ZFC3H1: variants seen among roughly 807,000 people sequenced by gnomAD.
ZFC3H1 encodes the protein zinc finger C3H1 domain-containing protein.
Under a neutral mutation model 243.7 loss-of-function variants are expected in ZFC3H1, and 71 were observed. The ratio of observed to expected loss-of-function variants is 0.29; its 90% CI spans 0.24 to 0.36. The LOEUF (loss-of-function observed/expected upper bound fraction) is 0.36. Ranked by LOEUF, ZFC3H1 falls within the 10% of genes least tolerant of loss-of-function variation. The pLI is 1.00. For missense variants in ZFC3H1, 1,966 were observed against 2,317.1 expected (o/e 0.85, Z 3.11); for synonymous variants, 838 against 813.0 (o/e 1.03, Z -0.52).
intron 26 of ZFC3H1, 92 bp from the exon 27 acceptor site, chr12:71,619,501 C>A (rs1879973172): frequency 2.4e-6 from 3 of 1,229,040 alleles, no homozygotes; most frequent in African/African-American, 1.5e-5. Context: ...AAAAAGTACT[C>A]ATTAGATTAA....
intron 2 of ZFC3H1, among the ~76,000 whole-genome samples, chr12:71,648,909 G>A (rs1402689533): frequency 2.0e-5 from 3 of 151,916 alleles, no homozygotes; most frequent in Non-Finnish European, 4.4e-5. Context: ...GGGCAACATG[G>A]CAAAACTCTG....
In ZFC3H1 at chr12:71,644,732, C is replaced by T. The variant is rs1330690692; in HGVS notation, c.1279+145G>A. On this transcript the variant is annotated intron_variant, in intron 4 of 34. Coordinates refer to ENST00000378743, the MANE Select transcript of ZFC3H1 (RefSeq NM_144982.5). ...ACTTGGGAGGCTGAGGCAGGAGAAT[C>T]GCCTGAACCTGGGAGGTGGAGGTTG... The T allele has an allele frequency of 1.3e-4, 122 of 911,366 alleles. 2 individuals are homozygous for T. The East Asian group carries it at 3.0e-3, about 23-fold the overall frequency. 56.5% of individuals were successfully genotyped at this position (911,366 alleles called of 1,614,324 possible). A position where few individuals can be genotyped will look rare whatever the true frequency, so the allele number is the denominator to read the frequency against.
chr12:71,627,956 T>A lies in ZFC3H1; in HGVS notation c.3947-22A>T, dbSNP rs200365153. The A allele has an allele frequency of 4.0e-3, 6,405 of 1,601,774 alleles. 16 individuals carry two copies. Among genetic ancestry groups the A allele is most frequent in the Non-Finnish European group, 4.8e-3 (5,700 of 1,175,872 alleles). On this transcript the variant is annotated intron_variant, in intron 20 of 34. Transcript: ENST00000378743. ...AAAGCTATTTAAAAAAAAAGTATTA[T>A]TAGCTTCACATTTTCTTTAGTCCAC... is the stretch of plus-strand genomic sequence containing the variant.
At position 71,621,289 on chromosome 12, in the gene ZFC3H1, T is replaced by C. The variant is rs114140226; in HGVS notation, c.4745-974A>G. 6.7e-3 allele frequency among the ~76,000 whole-genome samples: 1,010 copies of C among 149,722 alleles called. 13 individuals carry two copies. The highest frequency in any genetic ancestry group is 0.022 in the African/African-American group (924 of 41,258). ...CACTTATGTATTGATAATTGTCCAA[T>C]TAAGGTCCACTTCCTTTTCTTTTTT... On this transcript the variant is annotated intron_variant, in intron 24 of 34. Transcript: ENST00000378743.
intron 2 of ZFC3H1, 87 bp from the exon 3 acceptor site, chr12:71,647,900 T>C (rs1880768334): frequency 1.4e-5 from 7 of 502,032 alleles, no homozygotes; most frequent in Non-Finnish European, 2.3e-5. Flanking sequence ...CTGGTAATTA[T>C]TTTAAAAGAG....
intron 1 of ZFC3H1, among the ~76,000 whole-genome samples, chr12:71,662,501 C>CG (rs1881208338): frequency 7.0e-6 from 1 of 142,678 alleles, no homozygotes; most frequent in South Asian, 2.5e-4. Context: ...TACCCCTCCC[C>CG]CCCCCACTTT....
At position 71,632,895 on chromosome 12, in the gene ZFC3H1, A is replaced by T; in HGVS notation, c.2808T>A (p.Asp936Glu). Residue 936 changes from aspartate to glutamate, a missense_variant, in exon 14 of 35, where the codon GAT becomes GAA. By Grantham distance (45) the Asp-to-Glu change is conservative (BLOSUM62 2). This residue lies in a region of ZFC3H1 where 1,383 missense variants were observed against 1,723.7 expected (regional missense o/e 0.80). Coordinates refer to ENST00000378743, the MANE Select transcript of ZFC3H1 (RefSeq NM_144982.5). Reference protein sequence around the residue: ...KEIGKRKLEQDRFGPNKMMRL... With the variant: ...KEIGKRKLEQERFGPNKMMRL... The stretch of plus-strand genomic sequence containing the variant: ...TCTATAAAACCCTCACCCCAAAGCG[A>T]TCTTGTTCCAGTTTACGTTTTCCTA... 6.2e-7 allele frequency: 1 copy of T among 1,611,998 alleles called. No homozygotes were observed. Among genetic ancestry groups the T allele is most frequent in the South Asian group, 1.1e-5 (1 of 90,336 alleles).
chr12:71,621,886 G>A (rs949308424), intron 24 of ZFC3H1, among the ~76,000 whole-genome samples: 1 of 145,498 alleles, frequency 6.9e-6, no homozygotes, highest in African/African-American at 2.6e-5. Context: ...TACTTTTCTT[G>A]TACTTCAGTT....
At chr12:71,659,190 A>G (rs1387908204) in intron 1 of ZFC3H1, among the ~76,000 whole-genome samples, 1 of 150,280 alleles carries the variant, frequency 6.7e-6, no homozygotes, top group East Asian at 1.9e-4. Flanking sequence ...AGGAGAGTTT[A>G]CCCTGGTGAT....
chr12:71,634,063 A>C, intron 12 of ZFC3H1, 92 bp downstream of exon 12: 1 of 1,287,148 alleles, frequency 7.8e-7, no homozygotes, highest in Middle Eastern at 1.9e-4. Context: ...GAAAATGTAT[A>C]ATCTTATAGT....
rs201887564 is a variant in ZFC3H1, at chr12:71,632,425, T to C, written c.2907A>G (p.Leu969=). 118 of 1,610,728 alleles carry C rather than the reference T, an allele frequency of 7.3e-5. No homozygotes were observed. Among genetic ancestry groups the C allele is most frequent in the Non-Finnish European group, 8.5e-7 (1 of 1,179,820 alleles). ...GGGCATATTCATATTCTAGCTTTTG[T>C]AACCGTCTTTTCTCCATAGCAATTA... is the stretch of plus-strand genomic sequence containing the variant. ...AELIAMEKRR[L]QKLEYEYALK... The change falls in exon 15 of 35, where the codon TTA becomes TTG. Residue 969 remains leucine, a synonymous_variant. Transcript: ENST00000378743.
chr12:71,610,908 A>C (rs1343933903), intron 33 of ZFC3H1, 150 bp downstream of exon 33: 1 of 1,420,476 alleles, frequency 7.0e-7, no homozygotes, highest in African/African-American at 1.4e-5. Flanking sequence ...TGGTACTCTT[A>C]AAATGTTAAC....
At chr12:71,637,626 T>C (rs1485309187) in intron 7 of ZFC3H1, among the ~76,000 whole-genome samples, 1 of 152,196 alleles carries the variant, frequency 6.6e-6, no homozygotes, top group Non-Finnish European at 1.5e-5. Context: ...GCATCAAAGA[T>C]CTTCCACTAT....
At chr12:71,628,538 A>G (rs188255777) in intron 20 of ZFC3H1, among the ~76,000 whole-genome samples, 7 of 152,344 alleles carry the variant, frequency 4.6e-5, no homozygotes, top group African/African-American at 1.7e-4. Context: ...TCTGCATGTC[A>G]GAAAACATAT....
chr12:71,617,374 C>T (rs1879917921), intron 27 of ZFC3H1, among the ~76,000 whole-genome samples: 2 of 152,124 alleles, frequency 1.3e-5, no homozygotes. Flanking sequence ...AAACAGGATA[C>T]CTTTTTCTCT....
At chr12:71,612,220 C>T (rs1052845411) in intron 31 of ZFC3H1, among the ~76,000 whole-genome samples, 2 of 150,992 alleles carry the variant, frequency 1.3e-5, no homozygotes, top group African/African-American at 4.8e-5. Flanking sequence ...AATGCAATTT[C>T]CTGGTATTTT....
intron 31 of ZFC3H1, 46 bp downstream of exon 31, chr12:71,613,289 C>T (rs1879817033): frequency 1.5e-6 from 2 of 1,377,016 alleles, no homozygotes; most frequent in East Asian, 4.7e-5. Flanking sequence ...TATAAAGAGC[C>T]TATTCCATTA....
intron 21 of ZFC3H1, 104 bp downstream of exon 21, chr12:71,627,647 T>C (rs766614215): frequency 1.3e-4 from 144 of 1,100,138 alleles, no homozygotes; most frequent in Non-Finnish European, 1.8e-4. Flanking sequence ...AAAGACTCCA[T>C]TGATACTAGG....
At chr12:71,648,339 T>C (rs1592600091) in intron 2 of ZFC3H1, among the ~76,000 whole-genome samples, 1 of 152,224 alleles carries the variant, frequency 6.6e-6, no homozygotes, top group African/African-American at 2.4e-5. Context: ...TTTCCAGATA[T>C]CTAGCCTTGG....
Sources: allele counts gnomAD v4.1 joint callset (sites outside exome capture counted in the v4.1 genomes callset), GRCh38; gene constraint gnomAD v4.1.1; regional missense constraint gnomAD v4.1.1; transcripts MANE v1.5; gene names NCBI Gene and HGNC (gene_info 2026-07-23, HGNC 2026-07-21).